ZNF804A: variants seen among roughly 807,000 people sequenced by gnomAD.
ZNF804A encodes the protein zinc finger protein 804A.
ZNF804A carries 2 observed loss-of-function variants against 16.5 expected under a neutral mutation model. The ratio of observed to expected loss-of-function variants is 0.12; its 90% CI spans 0.05 to 0.38. The LOEUF is 0.38. Among genes scored for constraint, ZNF804A ranks in the 10% least tolerant of loss-of-function variants. The probability of loss-of-function intolerance (pLI) is 0.99; values close to 1 mark genes in which losing one functional copy is unlikely to be tolerated. For synonymous variants in ZNF804A, 534 were observed against 489.6 expected (o/e 1.09, Z -1.20); for missense variants, 1,473 against 1,390.7 (o/e 1.06, Z -0.94).
intron 1 of ZNF804A, among the ~76,000 whole-genome samples, chr2:184,794,525 C>T (rs1694601155): frequency 6.6e-6 from 1 of 152,024 alleles, no homozygotes; most frequent in African/African-American, 2.4e-5. Context: ...TGTGAGTTGT[C>T]TGTTTACTGA....
rs979124802 is a variant in ZNF804A, at chr2:184,677,565, C to G, written c.111+78495C>G. On this transcript the variant is annotated intron_variant, in intron 1 of 3. Transcript: ENST00000302277. ...GAATTCCAACTGGCTATATTTAGGGCATAAATTGATCTAATGACTCATATA... is the reference window on the plus strand; with the variant it reads ...GAATTCCAACTGGCTATATTTAGGGGATAAATTGATCTAATGACTCATATA... Among the ~76,000 whole-genome samples the G allele has an allele frequency of 2.6e-5, 4 of 151,882 alleles. No homozygotes were observed. In the East Asian group the frequency reaches 7.7e-4, roughly 29 times the overall value.
At chr2:184,613,326 C>G (rs997856844) in intron 1 of ZNF804A, among the ~76,000 whole-genome samples, 3 of 152,218 alleles carry the variant, frequency 2.0e-5, no homozygotes, top group Admixed American at 6.5e-5. Flanking sequence ...CACTACACAC[C>G]ATGGTAGTAG....
intron 1 of ZNF804A, among the ~76,000 whole-genome samples, chr2:184,684,158 C>T (rs923812472): frequency 2.6e-5 from 4 of 152,084 alleles, no homozygotes; most frequent in South Asian, 2.1e-4. Flanking sequence ...TTGCCTAAGG[C>T]GTAATGAATG....
intron 1 of ZNF804A, among the ~76,000 whole-genome samples, chr2:184,606,322 A>G (rs1202791373): frequency 6.6e-6 from 1 of 152,220 alleles, no homozygotes; most frequent in Non-Finnish European, 1.5e-5. Context: ...CCTTCTTCCC[A>G]TGGTGGCAGG....
chr2:184,754,927 A>T (rs1200919870), intron 1 of ZNF804A, among the ~76,000 whole-genome samples: 2 of 151,852 alleles, frequency 1.3e-5, no homozygotes, highest in African/African-American at 4.8e-5. Flanking sequence ...ACACACCTTT[A>T]AACCATCAGA....
intron 1 of ZNF804A, among the ~76,000 whole-genome samples, chr2:184,816,358 T>C (rs980852412): frequency 6.6e-6 from 1 of 151,996 alleles, no homozygotes; most frequent in African/African-American, 2.4e-5. Context: ...GAGGGCATAT[T>C]TGCAATATAG....
At chr2:184,666,619 T>A (rs916103621) in intron 1 of ZNF804A, among the ~76,000 whole-genome samples, 1 of 152,102 alleles carries the variant, frequency 6.6e-6, no homozygotes, top group Admixed American at 6.6e-5. Flanking sequence ...TGTTTTCTTA[T>A]GATCAGCAGA....
intron 1 of ZNF804A, among the ~76,000 whole-genome samples, chr2:184,698,715 C>G (rs1692874520): frequency 6.6e-6 from 1 of 152,054 alleles, no homozygotes; most frequent in Admixed American, 6.6e-5. Flanking sequence ...CCCAAATTCT[C>G]TGTAACTCTC....
intron 2 of ZNF804A, among the ~76,000 whole-genome samples, chr2:184,908,539 G>A (rs925023579): frequency 2.0e-5 from 3 of 152,062 alleles, no homozygotes; most frequent in African/African-American, 7.2e-5. Context: ...ACATTTAAGG[G>A]GAACATTATT....
intron 1 of ZNF804A, among the ~76,000 whole-genome samples, chr2:184,735,264 C>A (rs1277720118): frequency 6.6e-6 from 1 of 151,976 alleles, no homozygotes; most frequent in East Asian, 1.9e-4. Context: ...CAAGATCAGG[C>A]TGTAAAATAC....
chr2:184,715,442 C>A (rs1051894857), intron 1 of ZNF804A, among the ~76,000 whole-genome samples: 18 of 152,244 alleles, frequency 1.2e-4, no homozygotes, highest in African/African-American at 3.9e-4. Context: ...TGGAGGGCAG[C>A]AGGATGATCA....
intron 1 of ZNF804A, among the ~76,000 whole-genome samples, chr2:184,825,196 A>G (rs964437201): frequency 6.6e-6 from 1 of 152,174 alleles, no homozygotes; most frequent in Non-Finnish European, 1.5e-5. Context: ...GTTGATGTAC[A>G]AATAGGTAGT....
At chr2:184,755,316 T>G (rs1216163038) in intron 1 of ZNF804A, among the ~76,000 whole-genome samples, 1 of 151,896 alleles carries the variant, frequency 6.6e-6, no homozygotes, top group Non-Finnish European at 1.5e-5. Context: ...TTGGCCAACT[T>G]TCTATAATAT....
In ZNF804A at chr2:184,746,047, C is replaced by T. The variant is rs192998457; in HGVS notation, c.112-120322C>T. ...AGAAAGGATCATGAATCAAAAAGCA[C>T]GCATTTTTTTTCACATTTTTCCAAT... On this transcript the variant is annotated intron_variant, in intron 1 of 3. Coordinates refer to ENST00000302277, the MANE Select transcript of ZNF804A (RefSeq NM_194250.2). Among the ~76,000 whole-genome samples the T allele has an allele frequency of 2.0e-3, 297 of 151,418 alleles. 1 individual carries two copies. The highest frequency in any genetic ancestry group is 5.8e-3 in the African/African-American group (239 of 41,394).
intron 1 of ZNF804A, among the ~76,000 whole-genome samples, chr2:184,845,000 A>G (rs1695491997): frequency 6.6e-6 from 1 of 151,964 alleles, no homozygotes; most frequent in Non-Finnish European, 1.5e-5. Context: ...TGGTCAATGG[A>G]TAAGTCTGTT....
intron 1 of ZNF804A, among the ~76,000 whole-genome samples, chr2:184,636,670 ATTTG>A (rs973219247): frequency 6.7e-6 from 1 of 150,038 alleles, no homozygotes; most frequent in African/African-American, 2.5e-5. Context: ...TTTCTTTATT[ATTTG>A]TCCTAGATCC....
intron 1 of ZNF804A, among the ~76,000 whole-genome samples, chr2:184,656,751 T>C (rs183855832): frequency 4.8e-4 from 73 of 150,554 alleles, no homozygotes; most frequent in Admixed American, 1.3e-3. Flanking sequence ...CACACACACA[T>C]ATATATATAC....
chr2:184,734,187 C>T (rs1693572007), intron 1 of ZNF804A, among the ~76,000 whole-genome samples: 1 of 152,092 alleles, frequency 6.6e-6, no homozygotes. Flanking sequence ...CAAGATCCTC[C>T]TGCCTCAGTA....
At chr2:184,729,490 T>C (rs542000334) in intron 1 of ZNF804A, among the ~76,000 whole-genome samples, 2 of 152,090 alleles carry the variant, frequency 1.3e-5, no homozygotes, top group Admixed American at 1.3e-4. Flanking sequence ...TTGGTTCAGT[T>C]CAGTCAGATT....
Sources: allele counts gnomAD v4.1 joint callset (sites outside exome capture counted in the v4.1 genomes callset), GRCh38; gene constraint gnomAD v4.1.1; transcripts MANE v1.5; gene names NCBI Gene and HGNC (gene_info 2026-07-23, HGNC 2026-07-21).